NFIB: variants seen among roughly 807,000 people sequenced by gnomAD.
The protein encoded by NFIB is nuclear factor 1 B-type.
NFIB carries 11 observed loss-of-function variants against 61.5 expected under a neutral mutation model. The ratio of observed to expected loss-of-function variants is 0.18; its 90% CI spans 0.11 to 0.30. The LOEUF (loss-of-function observed/expected upper bound fraction) is 0.30, where lower values mean the gene tolerates loss of function less well. Among genes scored for constraint, NFIB ranks in the 10% least tolerant of loss-of-function variants. The pLI, the probability that NFIB is intolerant of heterozygous loss-of-function variation, is 1.00. For missense variants in NFIB, 471 were observed against 608.9 expected (o/e 0.77, Z 2.38); for synonymous variants, 260 against 216.5 (o/e 1.20, Z -1.76).
At chr9:14,323,492 C>T (rs1474687503) in intron 1 of NFIB, among the ~76,000 whole-genome samples, 1 of 152,004 alleles carries the variant, frequency 6.6e-6, no homozygotes. Context: ...AAAAATATAA[C>T]ACTAGCCCTA....
rs2036538752 is a variant in NFIB at position 14,106,266 on chromosome 9, A to G, written c.1467+6733T>C. 2.0e-5 allele frequency among the ~76,000 whole-genome samples: 3 copies of G among 152,170 alleles called. No homozygotes were observed. In the South Asian group the frequency reaches 6.2e-4, roughly 32 times the overall value. On this transcript the variant is annotated intron_variant, in intron 10 of 10. Coordinates refer to ENST00000380953, the MANE Select transcript of NFIB (RefSeq NM_001190737.2). ...TAGACTCTCAAAAAGAACTGATCAT[A>G]TGCATATCCTTACAAAAATGCACAC...
At chr9:14,386,043 A>T (rs1202851583) in intron 1 of NFIB, among the ~76,000 whole-genome samples, 2 of 152,144 alleles carry the variant, frequency 1.3e-5, no homozygotes, top group African/African-American at 4.8e-5. Flanking sequence ...TTGGCCTCCC[A>T]AAGTGCTGGA....
At chr9:14,491,639 A>G in the NFIB span, among the ~76,000 whole-genome samples, 69,159 of 152,002 alleles carry the variant, frequency 0.45, 17,109 homozygotes, top group African/African-American at 0.61. Flanking sequence ...TTTTGAAGTA[A>G]GATGATCTAG....
chr9:14,225,574 T>C (rs1268501169), intron 2 of NFIB, among the ~76,000 whole-genome samples: 1 of 151,964 alleles, frequency 6.6e-6, no homozygotes, highest in Non-Finnish European at 1.5e-5. Flanking sequence ...AATTTTTTGG[T>C]TTAATGACTT....
At chr9:14,442,604 G>A in the NFIB span, among the ~76,000 whole-genome samples, 2 of 152,120 alleles carry the variant, frequency 1.3e-5, no homozygotes, top group African/African-American at 4.8e-5. Context: ...CTGCAGGTTT[G>A]CTGGTAATCT....
At chr9:14,385,806 A>G (rs977839548) in intron 1 of NFIB, among the ~76,000 whole-genome samples, 6 of 149,260 alleles carry the variant, frequency 4.0e-5, no homozygotes, top group Admixed American at 4.0e-4. Context: ...TTTTTGAAAC[A>G]GAGTGTTTCT....
intron 9 of NFIB, among the ~76,000 whole-genome samples, chr9:14,114,051 G>A (rs568920965): frequency 1.3e-5 from 2 of 152,180 alleles, no homozygotes; most frequent in South Asian, 4.1e-4. Context: ...TACACTGTTT[G>A]GTTTAAAACC....
At chr9:14,133,575 G>C (rs2040656398) in intron 6 of NFIB, among the ~76,000 whole-genome samples, 4 of 152,160 alleles carry the variant, frequency 2.6e-5, no homozygotes, top group Admixed American at 2.6e-4. Context: ...AACAGTTTGG[G>C]CTCTGTTCCC....
Position 14,120,817 on chromosome 9 carries a change from G to C in NFIB, c.1061-193C>G, listed in dbSNP as rs1433417494. ...CAACACCAGTACGGCTAACTACACA[G>C]AGATAAAACATCACTCTAGAAAATT... On this transcript the variant is annotated intron_variant, in intron 7 of 10. Coordinates refer to ENST00000380953, the MANE Select transcript of NFIB (RefSeq NM_001190737.2). This position sits in a 1 kb window ranked among gnomAD's most constrained non-coding sequence, Gnocchi z 4.4. 2.0e-5 allele frequency among the ~76,000 whole-genome samples: 3 copies of C among 152,136 alleles called. No homozygotes were observed. The highest frequency in any genetic ancestry group is 4.4e-5 in the Non-Finnish European group (3 of 68,018).
Position 14,336,740 on chromosome 9 carries a change from CTTTATTTA to C in NFIB, c.109-29228_109-29221del, listed in dbSNP as rs112686351. On this transcript the variant is annotated intron_variant, in intron 1 of 8. Coordinates refer to the NFIB transcript ENST00000380934. ...GCTCTGCAGTCACCACATCGAAACA[CTTTATTTA>C]TTTATTTATTTATTTATTTTGTGCT... 2.6e-5 allele frequency among the ~76,000 whole-genome samples: 4 copies of C among 151,014 alleles called. No homozygotes were observed. The East Asian group carries it at 7.8e-4, about 30-fold the overall frequency.
intron 1 of NFIB, among the ~76,000 whole-genome samples, chr9:14,393,743 C>T (rs1174163330): frequency 6.6e-6 from 1 of 152,142 alleles, no homozygotes; most frequent in Non-Finnish European, 1.5e-5. Context: ...CTGCAGAGAC[C>T]ATTTCCAAGA....
chr9:14,186,430 T>C (rs543619790), intron 2 of NFIB, among the ~76,000 whole-genome samples: 48 of 152,230 alleles, frequency 3.2e-4, no homozygotes, highest in African/African-American at 1.1e-3. Context: ...ACATTATTAA[T>C]TGATAATATA....
intron 2 of NFIB, among the ~76,000 whole-genome samples, chr9:14,190,717 C>T (rs1009216729): frequency 1.7e-4 from 26 of 151,794 alleles, no homozygotes; most frequent in African/African-American, 5.8e-4. Context: ...AAAATAAAAA[C>T]AAAAAAATAG....
At chr9:14,404,147 C>A in the NFIB span, among the ~76,000 whole-genome samples, 1 of 152,150 alleles carries the variant, frequency 6.6e-6, no homozygotes, top group Non-Finnish European at 1.5e-5. Flanking sequence ...GCAGGAGACA[C>A]TCCTGTGGTG....
intron 1 of NFIB, among the ~76,000 whole-genome samples, chr9:14,335,118 C>A (rs1256863817): frequency 6.6e-6 from 1 of 152,130 alleles, no homozygotes. Flanking sequence ...TTGGCTATTA[C>A]AAATAAAGCT....
chr9:14,256,220 T>C (rs150027030), intron 2 of NFIB, among the ~76,000 whole-genome samples: 4 of 152,324 alleles, frequency 2.6e-5, no homozygotes, highest in African/African-American at 7.2e-5. Flanking sequence ...AGAGATTGAA[T>C]TTCAGGGTGA....
At chr9:14,172,086 C>T (rs2045626573) in intron 3 of NFIB, among the ~76,000 whole-genome samples, 2 of 152,086 alleles carry the variant, frequency 1.3e-5, no homozygotes, top group South Asian at 2.1e-4. Flanking sequence ...AATATGGAAG[C>T]AAGAACAGGA....
At chr9:14,191,943 C>G (rs1020316531) in intron 2 of NFIB, among the ~76,000 whole-genome samples, 2 of 152,202 alleles carry the variant, frequency 1.3e-5, no homozygotes, top group African/African-American at 4.8e-5. Flanking sequence ...CCAACAAACA[C>G]ATACACAAAA....
At chr9:14,152,437 A>C (rs10756531) in intron 4 of NFIB, among the ~76,000 whole-genome samples, 75,435 of 151,914 alleles carry the variant, frequency 0.5, 23,093 homozygotes, top group Non-Finnish European at 0.68. Flanking sequence ...ATGACACTGG[A>C]AGTGGGGTAC....
Sources: gnomAD v4.1 joint callset for allele counts (sites outside exome capture counted in the v4.1 genomes callset) on GRCh38, gnomAD v4.1.1 for gene constraint, Gnocchi (gnomAD v3.1) non-coding constraint, MANE v1.5 for transcripts, NCBI Gene and HGNC (gene_info 2026-07-23, HGNC 2026-07-21) for gene names.